The following PLXNA4 variants were observed in gnomAD, a reference collection of about 807,000 sequenced individuals.
The protein encoded by PLXNA4 is plexin A4, also known as plexin-A4.
A neutral mutation model predicts 191.8 loss-of-function variants in PLXNA4; 44 were observed. The observed-to-expected ratio is 0.23, with a 90% confidence interval of 0.18 to 0.29. The LOEUF (loss-of-function observed/expected upper bound fraction) is 0.29. Among genes scored for constraint, PLXNA4 ranks in the 10% least tolerant of loss-of-function variants. The pLI, the probability that PLXNA4 is intolerant of heterozygous loss-of-function variation, is 1.00. For missense variants in PLXNA4, 1,800 were observed against 2,488.8 expected (o/e 0.72, Z 5.89); for synonymous variants, 1,082 against 1,009.5 (o/e 1.07, Z -1.36).
In PLXNA4 at chr7:132,589,101, T is replaced by C. The variant is rs946818749; in HGVS notation, c.-87+56827A>G. Among the ~76,000 whole-genome samples, 8 of 152,216 alleles carry C rather than the reference T, an allele frequency of 5.3e-5. No homozygotes were observed. The South Asian group carries it at 1.4e-3, about 28-fold the overall frequency. Reference sequence around the variant, plus strand: ...TTAGAATCATCCATTGAAAAAAACATTTATGGAATGCCTACCATATGTCAC... The same window carrying C: ...TTAGAATCATCCATTGAAAAAAACACTTATGGAATGCCTACCATATGTCAC... On this transcript the variant is annotated intron_variant, in intron 2 of 4. Coordinates refer to the PLXNA4 transcript ENST00000378539.
At chr7:132,562,915 TCCTCCTCCTCCTCTCCCTCCTCCTCTC>T (rs1801316664) in intron 1 of PLXNA4, among the ~76,000 whole-genome samples, 1 of 33,124 alleles carries the variant, frequency 3.0e-5, no homozygotes, top group Non-Finnish European at 6.3e-5. Flanking sequence ...CTCCTCCTCT[TCCTCCTCCTCCTCTCCCTCCTCCTCTC>T]CCTCCTCCTC....
intron 3 of PLXNA4, among the ~76,000 whole-genome samples, chr7:132,364,474 T>C (rs1307274029): frequency 6.6e-6 from 1 of 152,198 alleles, no homozygotes; most frequent in Non-Finnish European, 1.5e-5. Context: ...GAGGTTGCGC[T>C]GCCTGGATGC....
intron 2 of PLXNA4, among the ~76,000 whole-genome samples, chr7:132,600,487 C>A (rs1022547071): frequency 1.3e-5 from 2 of 152,176 alleles, no homozygotes; most frequent in Admixed American, 6.5e-5. Flanking sequence ...CTCAGCCTCC[C>A]AAGTAGCTAG....
At chr7:132,298,440 C>G (rs1270327931) in intron 3 of PLXNA4, among the ~76,000 whole-genome samples, 2 of 152,208 alleles carry the variant, frequency 1.3e-5, no homozygotes, top group Admixed American at 1.3e-4. Context: ...CTGGGCTTCA[C>G]CAAGAATCCA....
intron 3 of PLXNA4, among the ~76,000 whole-genome samples, chr7:132,438,380 A>G (rs2117232677): frequency 6.6e-6 from 1 of 152,310 alleles, no homozygotes; most frequent in East Asian, 1.9e-4. Context: ...AATTTGGTTT[A>G]TTATTATTTG....
chr7:132,509,840 G>A (rs182447578), intron 1 of PLXNA4, among the ~76,000 whole-genome samples: 19 of 152,194 alleles, frequency 1.2e-4, no homozygotes, highest in African/African-American at 2.6e-4. Context: ...CCTCAATCTC[G>A]TCACACTGCA....
intron 2 of PLXNA4, among the ~76,000 whole-genome samples, chr7:132,489,764 G>A (rs1797708694): frequency 6.6e-6 from 1 of 152,126 alleles, no homozygotes; most frequent in Non-Finnish European, 1.5e-5. Context: ...CATCTTGGGA[G>A]CTTTGTCCAT....
chr7:132,475,677 C>G (rs796135624), intron 3 of PLXNA4, among the ~76,000 whole-genome samples: 4 of 152,246 alleles, frequency 2.6e-5, no homozygotes, highest in African/African-American at 9.6e-5. Context: ...ATGGGACTCA[C>G]ACTTAGGCTG....
chr7:132,383,852 C>T, intron 3 of PLXNA4: 1 of 985,396 alleles, frequency 1.0e-6, no homozygotes, highest in South Asian at 4.7e-5. Flanking sequence ...GAGTGTTGGA[C>T]CAGTTAGAAT....
At chr7:132,577,545 C>T (rs901398059), upstream of PLXNA4, among the ~76,000 whole-genome samples, 25 of 152,018 alleles carry the variant, frequency 1.6e-4, no homozygotes, top group African/African-American at 6.0e-4. Context: ...GCAGGGGGCG[C>T]CTCCCTACAT....
chr7:132,238,502 G>A (rs988225746), intron 5 of PLXNA4, among the ~76,000 whole-genome samples: 22 of 152,132 alleles, frequency 1.4e-4, no homozygotes, highest in African/African-American at 3.6e-4. Context: ...GCTTCAATGC[G>A]CTGGCTCCAC....
At chr7:132,488,665 T>C (rs1294812457) in intron 3 of PLXNA4, among the ~76,000 whole-genome samples, 2 of 152,214 alleles carry the variant, frequency 1.3e-5, no homozygotes, top group East Asian at 3.9e-4. Context: ...CCAACACAGC[T>C]GATGAGCCAA....
intron 1 of PLXNA4, among the ~76,000 whole-genome samples, chr7:132,516,993 C>G (rs568274398): frequency 6.6e-6 from 1 of 152,230 alleles, no homozygotes; most frequent in Admixed American, 6.5e-5. Context: ...TCCCTGCTCT[C>G]CAGGGGCTGA....
chr7:132,603,998 G>T (rs1028461220), intron 2 of PLXNA4, among the ~76,000 whole-genome samples: 1 of 152,118 alleles, frequency 6.6e-6, no homozygotes, highest in South Asian at 2.1e-4. Context: ...GGATTTAAAC[G>T]ATAACATGCC....
At chr7:132,137,208 A>G (rs1795138722) in intron 30 of PLXNA4, among the ~76,000 whole-genome samples, 1 of 152,180 alleles carries the variant, frequency 6.6e-6, no homozygotes, top group African/African-American at 2.4e-5. Context: ...ATATTTAAAT[A>G]TTTAAAATTC....
intron 2 of PLXNA4, among the ~76,000 whole-genome samples, chr7:132,623,055 C>G (rs750706702): frequency 5.3e-5 from 8 of 152,114 alleles, no homozygotes; most frequent in Non-Finnish European, 7.4e-5. Flanking sequence ...GGTATAAGAA[C>G]TAAAATTGGC....
At chr7:132,485,082 C>G (rs994265615) in intron 3 of PLXNA4, 11 of 1,590,834 alleles carry the variant, frequency 6.9e-6, no homozygotes, top group African/African-American at 1.4e-5. Context: ...TTAAATTAAT[C>G]TACATGACAA....
upstream of PLXNA4, among the ~76,000 whole-genome samples, chr7:132,580,353 A>G (rs561362980): frequency 6.6e-6 from 1 of 151,730 alleles, no homozygotes; most frequent in Non-Finnish European, 1.5e-5. Context: ...CACCTCCTCT[A>G]CCCCCTCTCC....
chr7:132,203,251 G>T, intron 11 of PLXNA4, 72 bp downstream of exon 11: 1 of 1,401,424 alleles, frequency 7.1e-7, no homozygotes, highest in Non-Finnish European at 1.0e-6. Context: ...CCGCGAGAAT[G>T]CAGGACGGCT....
Sources: allele counts gnomAD v4.1 joint callset (sites outside exome capture counted in the v4.1 genomes callset), GRCh38; gene constraint gnomAD v4.1.1; transcripts MANE v1.5; gene names NCBI Gene and HGNC (gene_info 2026-07-23, HGNC 2026-07-21).